LRP1B: variants seen among roughly 807,000 people sequenced by gnomAD.
The protein encoded by LRP1B is LDL receptor related protein 1B, also known as low-density lipoprotein receptor-related protein 1B.
In LRP1B, 217 loss-of-function variants were observed where a neutral mutation model predicts 556.6. That is an observed-to-expected ratio of 0.39 (90% CI 0.35 to 0.44). The LOEUF is 0.44. LRP1B is among the 20% of genes least tolerant of loss of function. LRP1B has a pLI of 1.00. For missense variants in LRP1B, 5,053 were observed against 5,620.8 expected (o/e 0.90, Z 3.23); for synonymous variants, 2,047 against 1,865.8 (o/e 1.10, Z -2.50).
chr2:140,428,740 CT>C lies in LRP1B; in HGVS notation c.10414+13763del, dbSNP rs552655661. Among the ~76,000 whole-genome samples, 47 of 152,284 alleles carry C rather than the reference CT, an allele frequency of 3.1e-4. 1 individual carries two copies. In the South Asian group the frequency reaches 9.7e-3, roughly 32 times the overall value. ...GAGGCTACCCACTCCACACTACCGT[CT>C]TTTCAAGGGCCTGTTTCCCTTGCCT... is the stretch of plus-strand genomic sequence containing the variant. On this transcript the variant is annotated intron_variant, in intron 66 of 90. Transcript: ENST00000389484.
chr2:141,608,695 A>G (rs1343517667), intron 2 of LRP1B, among the ~76,000 whole-genome samples: 3 of 152,196 alleles, frequency 2.0e-5, no homozygotes, highest in Non-Finnish European at 2.9e-5. Context: ...TTAATTTATT[A>G]TAAGTATTAC....
intron 2 of LRP1B, among the ~76,000 whole-genome samples, chr2:141,520,688 G>C (rs1684495300): frequency 6.6e-6 from 1 of 151,988 alleles, no homozygotes; most frequent in African/African-American, 2.4e-5. Flanking sequence ...AAAGCTTTTT[G>C]CTCTCCTTGT....
intron 3 of LRP1B, among the ~76,000 whole-genome samples, chr2:141,281,885 T>TTAAG (rs1344714784): frequency 2.0e-5 from 3 of 152,068 alleles, no homozygotes; most frequent in African/African-American, 4.8e-5. Context: ...CTTCCAAGTC[T>TTAAG]TAAGTTTCTA....
At chr2:141,934,629 C>T (rs1057299841) in intron 1 of LRP1B, among the ~76,000 whole-genome samples, 1 of 152,078 alleles carries the variant, frequency 6.6e-6, no homozygotes, top group African/African-American at 2.4e-5. Context: ...GTGGGAGGGA[C>T]CAGGTGGAGA....
intron 2 of LRP1B, among the ~76,000 whole-genome samples, chr2:141,763,954 T>C (rs901765188): frequency 3.9e-5 from 6 of 152,150 alleles, no homozygotes; most frequent in Admixed American, 3.9e-4. Context: ...ATTATTGCAA[T>C]TTGCTAATTC....
At chr2:141,827,646 T>G (rs1696983706) in intron 1 of LRP1B, among the ~76,000 whole-genome samples, 1 of 151,176 alleles carries the variant, frequency 6.6e-6, no homozygotes, top group Admixed American at 6.6e-5. Flanking sequence ...GGGAAATGAG[T>G]GTTTTCTCCA....
chr2:141,499,958 G>A (rs557130944), intron 2 of LRP1B, among the ~76,000 whole-genome samples: 2 of 151,938 alleles, frequency 1.3e-5, no homozygotes, highest in Non-Finnish European at 2.9e-5. Flanking sequence ...ATGCCACTTT[G>A]ACATAAGGAT....
intron 3 of LRP1B, among the ~76,000 whole-genome samples, chr2:141,478,963 T>C (rs1465212772): frequency 1.3e-5 from 2 of 152,214 alleles, no homozygotes; most frequent in African/African-American, 4.8e-5. Flanking sequence ...CCTGCAACTA[T>C]GAATCTGCTG....
chr2:141,515,301 A>C (rs1331241248), intron 2 of LRP1B, among the ~76,000 whole-genome samples: 1 of 139,686 alleles, frequency 7.2e-6, no homozygotes, highest in Non-Finnish European at 1.6e-5. Flanking sequence ...GAACTCCGTC[A>C]AAAGAAAAAA....
chr2:141,329,934 A>AT (rs1687578894), intron 3 of LRP1B, among the ~76,000 whole-genome samples: 1 of 152,054 alleles, frequency 6.6e-6, no homozygotes, highest in South Asian at 2.1e-4. Context: ...CGCTCAACGC[A>AT]TTTGATTCCT....
At chr2:140,301,885 G>T (rs1683844406) in intron 83 of LRP1B, among the ~76,000 whole-genome samples, 1 of 151,500 alleles carries the variant, frequency 6.6e-6, no homozygotes, top group East Asian at 1.9e-4. Context: ...GCATGTATGT[G>T]TATGTGTGTG....
intron 6 of LRP1B, among the ~76,000 whole-genome samples, chr2:141,211,939 C>G (rs1403154854): frequency 1.3e-5 from 2 of 151,994 alleles, no homozygotes; most frequent in African/African-American, 4.8e-5. Flanking sequence ...ACTTCACAGC[C>G]ACATGCACAC....
At chr2:140,768,836 A>C (rs1689203650) in intron 35 of LRP1B, among the ~76,000 whole-genome samples, 1 of 151,944 alleles carries the variant, frequency 6.6e-6, no homozygotes, top group Admixed American at 6.6e-5. Flanking sequence ...TCACATCCTG[A>C]ATATATTTTA....
intron 3 of LRP1B, among the ~76,000 whole-genome samples, chr2:141,315,387 G>A (rs1185761336): frequency 6.9e-6 from 1 of 144,618 alleles, no homozygotes; most frequent in Non-Finnish European, 1.5e-5. Context: ...AGCCTCCCAA[G>A]TAGCTGGGAC....
At chr2:141,910,632 C>A (rs1022027791) in intron 1 of LRP1B, among the ~76,000 whole-genome samples, 3 of 151,992 alleles carry the variant, frequency 2.0e-5, no homozygotes, top group Non-Finnish European at 2.9e-5. Context: ...CATATCACTG[C>A]AAATATAATT....
chr2:141,696,212 C>T (rs550596949), intron 2 of LRP1B, among the ~76,000 whole-genome samples: 1 of 151,918 alleles, frequency 6.6e-6, no homozygotes, highest in South Asian at 2.1e-4. Flanking sequence ...TAAAAGTAGG[C>T]TTAGAGTAGG....
intron 20 of LRP1B, among the ~76,000 whole-genome samples, chr2:140,925,966 A>G (rs1044013474): frequency 4.6e-5 from 7 of 151,888 alleles, no homozygotes; most frequent in Non-Finnish European, 1.0e-4. Context: ...TTTGTGTTTC[A>G]TAAGTGAATC....
chr2:140,688,973 GT>G (rs1174670160), intron 41 of LRP1B, among the ~76,000 whole-genome samples: 1 of 152,140 alleles, frequency 6.6e-6, no homozygotes, highest in Non-Finnish European at 1.5e-5. Flanking sequence ...ATAAGCAGTT[GT>G]TTTAAGTCAC....
intron 1 of LRP1B, among the ~76,000 whole-genome samples, chr2:141,827,400 G>A (rs1054712457): frequency 5.3e-5 from 8 of 152,158 alleles, no homozygotes; most frequent in African/African-American, 1.9e-4. Context: ...TTAAATAGGA[G>A]GGGAAGTCAA....
Sources: allele counts gnomAD v4.1 joint callset (sites outside exome capture counted in the v4.1 genomes callset), GRCh38; gene constraint gnomAD v4.1.1; transcripts MANE v1.5; gene names NCBI Gene and HGNC (gene_info 2026-07-23, HGNC 2026-07-21).